Variants in MTA3 observed in about 807,000 individuals in gnomAD.
MTA3 encodes the protein metastasis associated 1 family member 3.
MTA3 carries 34 observed loss-of-function variants against 83.5 expected under a neutral mutation model. The observed-to-expected ratio is 0.41, with a 90% CI of 0.31 to 0.54. The LOEUF (loss-of-function observed/expected upper bound fraction) is 0.54, where lower values mean the gene tolerates loss of function less well. Ranked by LOEUF, MTA3 falls within the 20% of genes least tolerant of loss-of-function variation. The probability of loss-of-function intolerance (pLI) is 0.33; values close to 1 mark genes in which losing one functional copy is unlikely to be tolerated. For missense variants in MTA3, 761 were observed against 726.4 expected (o/e 1.05, Z -0.55); for synonymous variants, 303 against 252.7 (o/e 1.20, Z -1.89).
chr2:42,636,979 C>G (rs942231677), intron 4 of MTA3, among the ~76,000 whole-genome samples: 4 of 152,162 alleles, frequency 2.6e-5, no homozygotes, highest in Non-Finnish European at 4.4e-5. Flanking sequence ...AAATATATAA[C>G]CTGTATGCAC....
chr2:42,620,118 T>C (rs1393175332), intron 4 of MTA3, among the ~76,000 whole-genome samples: 1 of 149,312 alleles, frequency 6.7e-6, no homozygotes, highest in Non-Finnish European at 1.5e-5. Flanking sequence ...ACATCACACA[T>C]CTTTTTTTTT....
At chr2:42,610,942 C>G (rs533744188) in intron 4 of MTA3, among the ~76,000 whole-genome samples, 1 of 151,246 alleles carries the variant, frequency 6.6e-6, no homozygotes, top group South Asian at 2.1e-4. Flanking sequence ...TCCTTAAAAA[C>G]TATATATATA....
At chr2:42,504,943 C>A (rs1334654831) in intron 2 of MTA3, among the ~76,000 whole-genome samples, 1 of 152,134 alleles carries the variant, frequency 6.6e-6, no homozygotes, top group Non-Finnish European at 1.5e-5. Context: ...AGTCATGCTG[C>A]CCTGTTGGAC....
intron 3 of MTA3, among the ~76,000 whole-genome samples, chr2:42,591,627 T>TTTTTC (rs75099806): frequency 2.3e-5 from 2 of 86,884 alleles, no homozygotes; most frequent in Non-Finnish European, 4.4e-5. Flanking sequence ...TCTATAAGCT[T>TTTTTC]TTTTTCTTTT....
At chr2:42,673,576 G>C (rs1274228908) in intron 8 of MTA3, among the ~76,000 whole-genome samples, 2 of 152,188 alleles carry the variant, frequency 1.3e-5, no homozygotes, top group East Asian at 3.8e-4. Flanking sequence ...GGGTTCCCTG[G>C]AAGCAGATTC....
At chr2:42,658,359 A>C (rs1425735156) in intron 7 of MTA3, among the ~76,000 whole-genome samples, 1 of 152,192 alleles carries the variant, frequency 6.6e-6, no homozygotes, top group Non-Finnish European at 1.5e-5. Flanking sequence ...AAAGATACGT[A>C]TACAAATGGA....
intron 15 of MTA3, among the ~76,000 whole-genome samples, chr2:42,720,308 G>C (rs774371509): frequency 6.6e-6 from 1 of 152,022 alleles, no homozygotes; most frequent in Non-Finnish European, 1.5e-5. Context: ...TCAGCCTCCT[G>C]AGTAGGTGGG....
chr2:42,614,984 A>AC (rs1684678703), intron 4 of MTA3, among the ~76,000 whole-genome samples: 2 of 150,754 alleles, frequency 1.3e-5, no homozygotes, highest in South Asian at 2.1e-4. Flanking sequence ...CTTAAAAAAA[A>AC]AAAAAACAAA....
At chr2:42,603,888 C>T (rs2104016774) in intron 3 of MTA3, among the ~76,000 whole-genome samples, 1 of 152,218 alleles carries the variant, frequency 6.6e-6, no homozygotes, top group South Asian at 2.1e-4. Flanking sequence ...CTACCTGGGA[C>T]TACAGGCGCC....
At chr2:42,535,089 A>G (rs1159789350) in intron 2 of MTA3, among the ~76,000 whole-genome samples, 1 of 152,048 alleles carries the variant, frequency 6.6e-6, no homozygotes, top group East Asian at 1.9e-4. Context: ...AAGGGCAAGG[A>G]ATAAGACCCA....
At position 42,618,742 on chromosome 2, in the gene MTA3, G is replaced by C. The variant is rs564006704; in HGVS notation, c.317+9158G>C. ...CCTGCCTCATCCTCTTGAGTATCTG[G>C]GACTACAGGCATGTACCACTATGCC... On this transcript the variant is annotated intron_variant, in intron 4 of 16. Coordinates refer to ENST00000405094, the MANE Select transcript of MTA3 (RefSeq NM_001330442.2). Among the ~76,000 whole-genome samples, 4 of 152,134 alleles carry C rather than the reference G, an allele frequency of 2.6e-5. No homozygotes were observed. The East Asian group carries it at 7.7e-4, about 29-fold the overall frequency.
chr2:42,605,045 C>G (rs1280047579), intron 3 of MTA3, among the ~76,000 whole-genome samples: 1 of 151,068 alleles, frequency 6.6e-6, no homozygotes, highest in African/African-American at 2.4e-5. Context: ...TCCCGCCTTT[C>G]TATTCCACAA....
At chr2:42,642,651 T>G (rs1369595569) in intron 5 of MTA3, among the ~76,000 whole-genome samples, 1 of 151,466 alleles carries the variant, frequency 6.6e-6, no homozygotes, top group East Asian at 1.9e-4. Flanking sequence ...TTGGTTTTTT[T>G]TTTTTTTTTT....
At chr2:42,571,922 G>A (rs1678531243) in intron 2 of MTA3, among the ~76,000 whole-genome samples, 1 of 151,088 alleles carries the variant, frequency 6.6e-6, no homozygotes, top group South Asian at 2.1e-4. Flanking sequence ...ACTCCAGCCT[G>A]GGCAACAAGA....
intron 3 of MTA3, among the ~76,000 whole-genome samples, chr2:42,588,427 G>T (rs1680587630): frequency 1.3e-5 from 2 of 152,122 alleles, no homozygotes; most frequent in South Asian, 4.1e-4. Flanking sequence ...TCAGTTCTTT[G>T]TTCTTCTCAA....
Position 42,505,397 on chromosome 2 carries a change from CA to C in MTA3, c.-141+10152del, listed in dbSNP as rs896608245. Among the ~76,000 whole-genome samples, 151 of 149,412 alleles carry C rather than the reference CA, an allele frequency of 1.0e-3. 1 individual carries two copies. The highest frequency in any genetic ancestry group is 6.8e-3 in the Middle Eastern group (2 of 294). On this transcript the variant is annotated intron_variant, in intron 2 of 17. Transcript: ENST00000405592. The stretch of plus-strand genomic sequence containing the variant: ...ACAGAGTGAGACTTCATCTCAAAAA[CA>C]AAAAAAAAGGAGATGAGATGACTGA...
At chr2:42,750,139 C>T (rs1016751620) in intron 16 of MTA3, among the ~76,000 whole-genome samples, 1 of 151,924 alleles carries the variant, frequency 6.6e-6, no homozygotes, top group East Asian at 1.9e-4. Flanking sequence ...TACAGGTGCG[C>T]CCCATAACAC....
intron 2 of MTA3, among the ~76,000 whole-genome samples, chr2:42,534,907 G>C (rs1676149864): frequency 1.3e-5 from 2 of 152,028 alleles, no homozygotes; most frequent in African/African-American, 4.8e-5. Flanking sequence ...ACTGGCGTGA[G>C]CCACTGCACC....
chr2:42,750,121 A>G (rs1351099395), intron 16 of MTA3, among the ~76,000 whole-genome samples: 1 of 152,018 alleles, frequency 6.6e-6, no homozygotes, highest in South Asian at 2.1e-4. Context: ...CCTCCTGAGT[A>G]GCTGGGATAC....
Sources: allele counts gnomAD v4.1 joint callset (sites outside exome capture counted in the v4.1 genomes callset), GRCh38; gene constraint gnomAD v4.1.1; transcripts MANE v1.5; gene names NCBI Gene and HGNC (gene_info 2026-07-23, HGNC 2026-07-21).